CHRM3: variants seen among roughly 807,000 people sequenced by gnomAD.
CHRM3 encodes muscarinic acetylcholine receptor M3.
CHRM3 carries 11 observed loss-of-function variants against 41.8 expected under a neutral mutation model. That is an observed-to-expected ratio of 0.26 (90% confidence interval 0.17 to 0.44). The LOEUF (loss-of-function observed/expected upper bound fraction) is 0.44. CHRM3 is among the 20% of genes least tolerant of loss of function. CHRM3 has a pLI of 1.00. For synonymous variants in CHRM3, 297 were observed against 301.4 expected (o/e 0.99, Z 0.15); for missense variants, 571 against 745.4 (o/e 0.77, Z 2.72).
intron 6 of CHRM3, among the ~76,000 whole-genome samples, chr1:239,849,139 C>G (rs1227947633): frequency 1.3e-5 from 2 of 152,140 alleles, no homozygotes; most frequent in Admixed American, 6.6e-5. Context: ...TTTTAAAAAT[C>G]AACATCTGTT....
chr1:239,505,383 G>A (rs1014944279), intron 2 of CHRM3, among the ~76,000 whole-genome samples: 7 of 152,106 alleles, frequency 4.6e-5, no homozygotes, highest in Non-Finnish European at 7.4e-5. Flanking sequence ...CTGGCAGGAG[G>A]TAATTGAATC....
At position 239,631,911 on chromosome 1, in the gene CHRM3, T is replaced by G. The variant is rs571046909; in HGVS notation, c.-312-313T>G. On this transcript the variant is annotated intron_variant, in intron 3 of 6. Transcript: ENST00000676153. ...GAGATGAGCAACTTCTTTATTTTTA[T>G]TCTTCTCACTCTATCTCCCTTCCTT... 4.6e-5 allele frequency among the ~76,000 whole-genome samples: 7 copies of G among 152,354 alleles called. No individual in the cohort carries two copies. The South Asian group carries it at 1.5e-3, about 32-fold the overall frequency.
chr1:239,692,085 C>T (rs892550437), intron 5 of CHRM3, among the ~76,000 whole-genome samples: 1 of 152,178 alleles, frequency 6.6e-6, no homozygotes, highest in African/African-American at 2.4e-5. Context: ...AAGAAAGGGT[C>T]TTGCTCTTAG....
intron 5 of CHRM3, among the ~76,000 whole-genome samples, chr1:239,686,680 G>A (rs890055600): frequency 2.6e-5 from 4 of 152,132 alleles, no homozygotes; most frequent in Non-Finnish European, 2.9e-5. Flanking sequence ...GTCCCTAATG[G>A]CAGTGCAAAG....
At chr1:239,878,796 AG>A (rs1677340802) in intron 6 of CHRM3, among the ~76,000 whole-genome samples, 1 of 152,086 alleles carries the variant, frequency 6.6e-6, no homozygotes, top group South Asian at 2.1e-4. Flanking sequence ...GTTAAAATAC[AG>A]GTCAGTTTAC....
At chr1:239,898,768 C>T (rs535192190) in intron 6 of CHRM3, among the ~76,000 whole-genome samples, 1 of 152,278 alleles carries the variant, frequency 6.6e-6, no homozygotes, top group Admixed American at 6.5e-5. Flanking sequence ...AACCAGAAGC[C>T]TCACATGTAT....
At chr1:239,548,445 T>C (rs1371694870) in intron 3 of CHRM3, among the ~76,000 whole-genome samples, 2 of 152,266 alleles carry the variant, frequency 1.3e-5, no homozygotes, top group Non-Finnish European at 2.9e-5. Flanking sequence ...CACATATAAA[T>C]TTAATCTGAC....
At chr1:239,741,127 T>A (rs555518450) in intron 5 of CHRM3, among the ~76,000 whole-genome samples, 7 of 152,286 alleles carry the variant, frequency 4.6e-5, no homozygotes, top group Non-Finnish European at 7.4e-5. Flanking sequence ...GAAAAGCATA[T>A]GTATTTATTT....
At chr1:239,510,053 C>T (rs1412064499) in intron 2 of CHRM3, among the ~76,000 whole-genome samples, 1 of 152,202 alleles carries the variant, frequency 6.6e-6, no homozygotes. Flanking sequence ...CATGCCACTG[C>T]ACTCCAGCCT....
At chr1:239,439,384 G>T (rs1454170730) in intron 1 of CHRM3, among the ~76,000 whole-genome samples, 1 of 152,030 alleles carries the variant, frequency 6.6e-6, no homozygotes, top group Non-Finnish European at 1.5e-5. Context: ...ATGCAATTGG[G>T]GGGAAATAAG....
At chr1:239,441,114 T>C (rs923041555) in intron 1 of CHRM3, among the ~76,000 whole-genome samples, 3 of 152,184 alleles carry the variant, frequency 2.0e-5, no homozygotes, top group Admixed American at 6.5e-5. Context: ...GGAGGGATTG[T>C]AAAATTCTAA....
At chr1:239,580,714 C>T (rs1341635114) in intron 3 of CHRM3, among the ~76,000 whole-genome samples, 43 of 40,340 alleles carry the variant, frequency 1.1e-3, no homozygotes, top group Admixed American at 4.1e-3. Flanking sequence ...TACACACACA[C>T]ACACACACAC....
rs372555411 is a variant in CHRM3, at chr1:239,684,748, G to GAGAAAGAAAGAA, written c.-147+6472_-147+6483dup. 2.3e-4 allele frequency among the ~76,000 whole-genome samples: 25 copies of GAGAAAGAAAGAA among 107,796 alleles called. 1 individual carries two copies. Among genetic ancestry groups the GAGAAAGAAAGAA allele is most frequent in the African/African-American group, 8.6e-4 (25 of 29,050 alleles). 70.7% of individuals were successfully genotyped at this position (107,796 alleles called of 152,430 possible). A position where few individuals can be genotyped will look rare whatever the true frequency, so the allele number is the denominator to read the frequency against. On this transcript the variant is annotated intron_variant, in intron 5 of 6. Transcript: ENST00000676153. ...AAAGGAAAGGAAAGAGAGAAAGAAA[G>GAGAAAGAAAGAA]AGAAAGAAAGAAAGAAAGAAAGAGA...
chr1:239,653,338 G>A (rs1672411735), intron 4 of CHRM3, among the ~76,000 whole-genome samples: 1 of 152,124 alleles, frequency 6.6e-6, no homozygotes, highest in Non-Finnish European at 1.5e-5. Context: ...GACACAGAAG[G>A]GGATAAGATA....
At chr1:239,584,542 T>C (rs1572793511) in intron 3 of CHRM3, among the ~76,000 whole-genome samples, 1 of 152,168 alleles carries the variant, frequency 6.6e-6, no homozygotes, top group Non-Finnish European at 1.5e-5. Flanking sequence ...TTTTAAGTAG[T>C]GTATTGAAGA....
intron 5 of CHRM3, among the ~76,000 whole-genome samples, chr1:239,815,445 T>C (rs541344896): frequency 2.0e-5 from 3 of 152,248 alleles, no homozygotes; most frequent in Non-Finnish European, 4.4e-5. Context: ...AGTCCCCTCC[T>C]GCCTTTTTCT....
At chr1:239,857,057 T>G (rs1675180176) in intron 6 of CHRM3, among the ~76,000 whole-genome samples, 1 of 152,190 alleles carries the variant, frequency 6.6e-6, no homozygotes. Flanking sequence ...TGGAGAAAGC[T>G]TCCTGAAAAC....
At position 239,552,507 on chromosome 1, in the gene CHRM3, T is replaced by TATA. The variant is rs1553325442; in HGVS notation, c.-313+6758_-313+6759insATA. On this transcript the variant is annotated intron_variant, in intron 3 of 6. Coordinates refer to ENST00000676153, the MANE Select transcript of CHRM3 (RefSeq NM_001375978.1). ...TCATACTTTACATAAAATATATATTTTATATATATATATATAAACGATAAG... is the reference window on the plus strand; with the variant it reads ...TCATACTTTACATAAAATATATATTTATATATATATATATATATAAACGATAAG... Among the ~76,000 whole-genome samples, 1,399 of 145,882 alleles carry TATA rather than the reference T, an allele frequency of 9.6e-3. 40 individuals carry two copies. The East Asian group carries it at 0.11, about 11-fold the overall frequency.
At chr1:239,713,511 C>A (rs1253416323) in intron 5 of CHRM3, among the ~76,000 whole-genome samples, 1 of 152,162 alleles carries the variant, frequency 6.6e-6, no homozygotes, top group Admixed American at 6.5e-5. Context: ...CTGAATGCAA[C>A]TGTAATCTTA....
Sources: allele counts gnomAD v4.1 joint callset (sites outside exome capture counted in the v4.1 genomes callset), GRCh38; gene constraint gnomAD v4.1.1; transcripts MANE v1.5; gene names NCBI Gene and HGNC (gene_info 2026-07-23, HGNC 2026-07-21).